The following GPHN variants were observed in gnomAD, a reference collection of about 807,000 sequenced individuals.
GPHN encodes the protein gephyrin.
In GPHN, 17 loss-of-function variants were observed where a neutral mutation model predicts 95.5. The observed-to-expected ratio is 0.18, with a 90% confidence interval of 0.12 to 0.27. The LOEUF (loss-of-function observed/expected upper bound fraction) is 0.27, where lower values mean the gene tolerates loss of function less well. Ranked by LOEUF, GPHN falls within the 10% of genes least tolerant of loss-of-function variation. GPHN has a pLI of 1.00. For synonymous variants in GPHN, 320 were observed against 322.5 expected, an observed-to-expected ratio of 0.99 and a Z score of 0.08; for missense variants, 660 against 978.1, an observed-to-expected ratio of 0.67 and a Z score of 4.34.
At chr14:67,724,358 A>C in the GPHN span, 1 of 822,228 alleles carries the variant, frequency 1.2e-6, no homozygotes, top group South Asian at 1.4e-5. Flanking sequence ...TCCTGACTGC[A>C]ACTTAAAGAT....
the GPHN span, among the ~76,000 whole-genome samples, chr14:67,680,197 C>T: frequency 3.9e-5 from 6 of 152,194 alleles, no homozygotes; most frequent in African/African-American, 1.2e-4. Context: ...AATATCGTCA[C>T]GTTTACAAAA....
At chr14:67,677,590 C>T in the GPHN span, 1 of 151,252 alleles carries the variant, frequency 6.6e-6, no homozygotes, top group Admixed American at 6.6e-5. Flanking sequence ...TTACTTCTTC[C>T]CTGCTACCCA....
intron 9 of GPHN, among the ~76,000 whole-genome samples, chr14:67,000,095 T>C (rs987492825): frequency 2.0e-5 from 3 of 151,804 alleles, no homozygotes; most frequent in South Asian, 4.1e-4. Flanking sequence ...TAAGAACTTC[T>C]AGCTACCTAA....
At chr14:67,383,802 C>G in the GPHN span, 1 of 285,644 alleles carries the variant, frequency 3.5e-6, no homozygotes, top group Non-Finnish European at 6.9e-6. Flanking sequence ...CAAACAATCC[C>G]AATCTTTCTA....
At chr14:67,067,694 G>T (rs1425231624) in intron 11 of GPHN, among the ~76,000 whole-genome samples, 1 of 152,188 alleles carries the variant, frequency 6.6e-6, no homozygotes, top group Non-Finnish European at 1.5e-5. Context: ...CTGCAGCCTG[G>T]CAGGTTGATC....
At chr14:67,382,332 CA>C in the GPHN span, 1 of 914,512 alleles carries the variant, frequency 1.1e-6, no homozygotes, top group Non-Finnish European at 1.6e-6. Flanking sequence ...GTAGAATTGG[CA>C]ATTACGTTTT....
intron 2 of GPHN, among the ~76,000 whole-genome samples, chr14:66,695,032 G>A (rs989133510): frequency 4.6e-5 from 7 of 152,028 alleles, no homozygotes; most frequent in African/African-American, 9.7e-5. Flanking sequence ...GGTGGTGCAC[G>A]ACTGTAATCC....
the GPHN span, among the ~76,000 whole-genome samples, chr14:67,658,582 G>A: frequency 1.3e-5 from 2 of 152,052 alleles, no homozygotes; most frequent in Admixed American, 6.5e-5. Context: ...GGGTGACAGA[G>A]CGAGACTCCG....
At chr14:67,014,763 C>T (rs1293704305) in intron 9 of GPHN, among the ~76,000 whole-genome samples, 2 of 152,084 alleles carry the variant, frequency 1.3e-5, no homozygotes, top group Non-Finnish European at 2.9e-5. Context: ...ATCTGAAATT[C>T]CTCTTAGCCA....
At chr14:67,587,616 G>A in the GPHN span, 1 of 285,772 alleles carries the variant, frequency 3.5e-6, no homozygotes, top group South Asian at 3.3e-5. Context: ...GGGGGACACA[G>A]TGTCACTATG....
chr14:67,292,977 T>C, the GPHN span, among the ~76,000 whole-genome samples: 1 of 152,172 alleles, frequency 6.6e-6, no homozygotes, highest in African/African-American at 2.4e-5. Context: ...GTAACAAATA[T>C]TTGAATTACT....
At chr14:67,288,332 T>C in the GPHN span, among the ~76,000 whole-genome samples, 1 of 152,146 alleles carries the variant, frequency 6.6e-6, no homozygotes, top group Non-Finnish European at 1.5e-5. Context: ...TCTGCCCTCC[T>C]GAGCCTCCCA....
At chr14:67,576,374 T>G in the GPHN span, 1 of 1,451,220 alleles carries the variant, frequency 6.9e-7, no homozygotes. The surrounding 1 kb of genome is among the most constrained non-coding windows in gnomAD (Gnocchi z 4.0). Context: ...CCCCATCCGA[T>G]GGCTTTCCGC....
intron 9 of GPHN, among the ~76,000 whole-genome samples, chr14:66,979,614 T>G (rs2070510132): frequency 6.6e-6 from 1 of 152,242 alleles, no homozygotes; most frequent in Admixed American, 6.5e-5. Flanking sequence ...TCTATCCAGA[T>G]CACTCAGACT....
Position 67,181,697 on chromosome 14 carries a change from A to G in GPHN, c.*760A>G, listed in dbSNP as rs4477618. 2,495 of 210,218 alleles carry G rather than the reference A, an allele frequency of 0.012. 25 individuals carry two copies. The highest frequency in any genetic ancestry group is 0.017 in the Non-Finnish European group (1,749 of 101,550). The allele number at this position is 210,218 out of a possible 1,614,324, so 13.0% of individuals were successfully genotyped here. A position where few individuals can be genotyped will look rare whatever the true frequency, so the allele number is the denominator to read the frequency against. On this transcript the variant is annotated 3_prime_UTR_variant, in exon 23 of 23. Coordinates refer to ENST00000478722, the MANE Select transcript of GPHN (RefSeq NM_020806.5). ...TAGTGTTACCAGCATTCATGTGGAA[A>G]TCAAGAGCAAAGACAAAATAATGTT...
At chr14:67,098,845 G>C (rs2077538471) in intron 12 of GPHN, among the ~76,000 whole-genome samples, 1 of 151,276 alleles carries the variant, frequency 6.6e-6, no homozygotes, top group Non-Finnish European at 1.5e-5. Flanking sequence ...AAGAAAAAGA[G>C]AGAGAGAAAA....
the GPHN span, among the ~76,000 whole-genome samples, chr14:67,609,879 G>A: frequency 6.9e-6 from 1 of 144,788 alleles, no homozygotes; most frequent in East Asian, 2.0e-4. Context: ...CTTGGCCCTG[G>A]AGAAAGGGCG....
intron 3 of GPHN, among the ~76,000 whole-genome samples, chr14:66,801,539 TTCTCTCATTCTCTC>T (rs1176231261): frequency 6.6e-6 from 1 of 151,708 alleles, no homozygotes; most frequent in African/African-American, 2.4e-5. Flanking sequence ...AAAATGAGTC[TTCTCTCATTCTCTC>T]TCTCTCTCCC....
intron 4 of GPHN, among the ~76,000 whole-genome samples, chr14:66,853,884 G>A (rs2062695027): frequency 6.6e-6 from 1 of 152,174 alleles, no homozygotes; most frequent in Non-Finnish European, 1.5e-5. Flanking sequence ...ATCCTTGAGA[G>A]TATTAAAAGC....
Sources: allele counts gnomAD v4.1 joint callset (sites outside exome capture counted in the v4.1 genomes callset), GRCh38; gene constraint gnomAD v4.1.1; non-coding constraint Gnocchi (gnomAD v3.1); transcripts MANE v1.5; gene names NCBI Gene and HGNC (gene_info 2026-07-23, HGNC 2026-07-21).